Variants in LYPLAL1 observed in about 807,000 individuals in gnomAD.
The protein encoded by LYPLAL1 is lysophospholipase-like protein 1.
Under a neutral mutation model 19.7 loss-of-function variants are expected in LYPLAL1, and 23 were observed. That is an observed-to-expected ratio of 1.17 (90% CI 0.84 to 1.65). The LOEUF (loss-of-function observed/expected upper bound fraction) is 1.65, where lower values mean the gene tolerates loss of function less well. Ranked by LOEUF, LYPLAL1 falls within the 40% of genes most tolerant of loss-of-function variation. The probability of loss-of-function intolerance (pLI) is 0.00; values close to 1 mark genes in which losing one functional copy is unlikely to be tolerated. For missense variants in LYPLAL1, 355 were observed against 279.4 expected, an observed-to-expected ratio of 1.27 and a Z score of -1.93; for synonymous variants, 119 against 96.3, an observed-to-expected ratio of 1.24 and a Z score of -1.38.
At chr1:219,376,741 G>A in the LYPLAL1 span, among the ~76,000 whole-genome samples, 2 of 152,132 alleles carry the variant, frequency 1.3e-5, no homozygotes, top group Admixed American at 1.3e-4. Flanking sequence ...TTATGGAAAT[G>A]CAAATCAAAA....
the LYPLAL1 span, among the ~76,000 whole-genome samples, chr1:219,419,473 G>T: frequency 6.6e-6 from 1 of 151,180 alleles, no homozygotes; most frequent in Non-Finnish European, 1.5e-5. Context: ...GAATGCTGAT[G>T]ATTTGGCTTG....
At chr1:219,372,717 T>C in the LYPLAL1 span, among the ~76,000 whole-genome samples, 1 of 152,014 alleles carries the variant, frequency 6.6e-6, no homozygotes, top group African/African-American at 2.4e-5. Flanking sequence ...CTGGGCAACA[T>C]GGTGAAACCC....
At chr1:219,354,042 T>A in the LYPLAL1 span, among the ~76,000 whole-genome samples, 2 of 152,022 alleles carry the variant, frequency 1.3e-5, no homozygotes, top group Non-Finnish European at 2.9e-5. Context: ...CTTGTAAACA[T>A]GGAAGTAGAA....
the LYPLAL1 span, among the ~76,000 whole-genome samples, chr1:219,332,424 TG>T: frequency 1.3e-5 from 2 of 152,230 alleles, no homozygotes; most frequent in East Asian, 3.9e-4. Flanking sequence ...GAAGCAGAGA[TG>T]AGTAATCCCT....
intron 3 of LYPLAL1, among the ~76,000 whole-genome samples, chr1:219,207,570 A>G (rs576647576): frequency 1.3e-5 from 2 of 152,080 alleles, no homozygotes; most frequent in East Asian, 1.9e-4. Context: ...TACATTGTTC[A>G]TTTGTTTAAT....
chr1:219,260,081 TA>T, the LYPLAL1 span, among the ~76,000 whole-genome samples: 2 of 151,918 alleles, frequency 1.3e-5, no homozygotes, highest in Non-Finnish European at 2.9e-5. Flanking sequence ...AAGATAATTT[TA>T]CAAAACAGCA....
At chr1:219,273,388 C>T in the LYPLAL1 span, 1 of 152,114 alleles carries the variant, frequency 6.6e-6, no homozygotes, top group Non-Finnish European at 1.5e-5. Flanking sequence ...ATAATCAGAA[C>T]CCTCAGTGTG....
chr1:219,365,787 A>G, the LYPLAL1 span, among the ~76,000 whole-genome samples: 1 of 152,164 alleles, frequency 6.6e-6, no homozygotes, highest in African/African-American at 2.4e-5. Context: ...TGAAATTTTG[A>G]CATAAAAACC....
At chr1:219,196,986 A>G (rs1381316979) in intron 3 of LYPLAL1, among the ~76,000 whole-genome samples, 2 of 152,338 alleles carry the variant, frequency 1.3e-5, no homozygotes, top group Admixed American at 1.3e-4. Context: ...ATAAGAGAGG[A>G]CATAAACAAA....
chr1:219,383,775 G>A, the LYPLAL1 span, among the ~76,000 whole-genome samples: 39,327 of 152,060 alleles, frequency 0.26, 5,983 homozygotes, highest in Admixed American at 0.35. Flanking sequence ...TGTATTTATC[G>A]TGAGATTCTC....
At chr1:219,302,492 G>A in the LYPLAL1 span, among the ~76,000 whole-genome samples, 2 of 152,162 alleles carry the variant, frequency 1.3e-5, no homozygotes, top group Non-Finnish European at 2.9e-5. Flanking sequence ...TCCTCAGAAT[G>A]AAACTGATCT....
the LYPLAL1 span, among the ~76,000 whole-genome samples, chr1:219,260,572 A>G: frequency 2.0e-5 from 3 of 150,454 alleles, no homozygotes; most frequent in Non-Finnish European, 4.4e-5. Context: ...AATATTGAAT[A>G]TTGATACAGA....
chr1:219,179,160 A>G lies in LYPLAL1; in HGVS notation c.105A>G (p.Gln35=). The part of the protein sequence containing the change: ...IFLHGSGDSG[Q]GLRMWIKQVL... ...TTGATTCATCAGGTGATTCTGGACA[A>G]GGATTAAGAATGTGGATCAAGCAGG... is the stretch of plus-strand genomic sequence containing the variant. The change falls in exon 2 of 5, where the codon CAA becomes CAG. Residue 35 remains glutamine, a synonymous_variant. Coordinates refer to ENST00000366928, the MANE Select transcript of LYPLAL1 (RefSeq NM_138794.5). The G allele has an allele frequency of 6.2e-7, 1 of 1,606,770 alleles. No individual in the cohort carries two copies.
the LYPLAL1 span, among the ~76,000 whole-genome samples, chr1:219,376,172 A>G: frequency 6.6e-6 from 1 of 152,320 alleles, no homozygotes; most frequent in East Asian, 1.9e-4. Context: ...TAAAGCAGAG[A>G]GTCCAGAAAT....
chr1:219,276,469 A>G, the LYPLAL1 span, among the ~76,000 whole-genome samples: 1 of 152,242 alleles, frequency 6.6e-6, no homozygotes, highest in Non-Finnish European at 1.5e-5. Flanking sequence ...AAAAGCATCC[A>G]TTGTCTAAGA....
rs542344881 is a variant in LYPLAL1, at chr1:219,202,295, CT to C, written c.362-8235del. ...AAAGTTTTCTTGCCATTATTACATA[CT>C]TCATACCACCCATCCTATGGTCACC... On this transcript the variant is annotated intron_variant, in intron 3 of 4. Coordinates refer to ENST00000366928, the MANE Select transcript of LYPLAL1 (RefSeq NM_138794.5). 6.9e-3 allele frequency among the ~76,000 whole-genome samples: 1,047 copies of C among 152,296 alleles called. 4 individuals carry two copies. The highest frequency in any genetic ancestry group is 0.01 in the Non-Finnish European group (691 of 68,018).
At chr1:219,201,756 T>A (rs1388884178) in intron 3 of LYPLAL1, among the ~76,000 whole-genome samples, 1 of 152,178 alleles carries the variant, frequency 6.6e-6, no homozygotes, top group African/African-American at 2.4e-5. Context: ...TGAAAATAAA[T>A]CTTCACTAAG....
At chr1:219,412,703 T>C in the LYPLAL1 span, among the ~76,000 whole-genome samples, 76 of 152,276 alleles carry the variant, frequency 5.0e-4, no homozygotes, top group South Asian at 0.015. Flanking sequence ...CTAAGAACAC[T>C]GTTACTTATC....
chr1:219,247,544 G>C, the LYPLAL1 span, among the ~76,000 whole-genome samples: 1 of 152,190 alleles, frequency 6.6e-6, no homozygotes, highest in Non-Finnish European at 1.5e-5. Context: ...GATGTAGTTA[G>C]AGTTAGCTGG....
Sources: allele counts gnomAD v4.1 joint callset (sites outside exome capture counted in the v4.1 genomes callset), GRCh38; gene constraint gnomAD v4.1.1; transcripts MANE v1.5; gene names NCBI Gene and HGNC (gene_info 2026-07-23, HGNC 2026-07-21).